ADCY3: variants seen among roughly 807,000 people sequenced by gnomAD.
The protein encoded by ADCY3 is adenylate cyclase type 3.
Under a neutral mutation model 119.4 loss-of-function variants are expected in ADCY3, and 70 were observed. The ratio of observed to expected loss-of-function variants is 0.59; its 90% CI spans 0.48 to 0.72. ADCY3 has a LOEUF of 0.72. Ranked by LOEUF, ADCY3 falls within the 30% of genes least tolerant of loss-of-function variation. ADCY3 has a pLI of 0.00. For missense variants in ADCY3, 1,238 were observed against 1,541.6 expected (o/e 0.80, Z 3.30); for synonymous variants, 672 against 621.4 (o/e 1.08, Z -1.21).
intron 2 of ADCY3, among the ~76,000 whole-genome samples, chr2:24,890,815 T>C (rs561441436): frequency 6.6e-6 from 1 of 152,296 alleles, no homozygotes; most frequent in East Asian, 1.9e-4. Flanking sequence ...CTAGTTTTTC[T>C]ACTTCAATCT....
chr2:24,885,136 TAAATTCC>T (rs1676884016), intron 2 of ADCY3, among the ~76,000 whole-genome samples: 2 of 152,200 alleles, frequency 1.3e-5, no homozygotes, highest in African/African-American at 4.8e-5. Context: ...TCACCTCTCC[TAAATTCC>T]AGTTCCTCAG....
chr2:24,879,931 G>A (rs1236263061), intron 2 of ADCY3, among the ~76,000 whole-genome samples: 1 of 152,252 alleles, frequency 6.6e-6, no homozygotes, highest in African/African-American at 2.4e-5. Context: ...TCTGCAGACA[G>A]TGAGTGACTC....
chr2:24,822,766 AC>A (rs1667971572), intron 18 of ADCY3, 136 bp from the exon 19 acceptor site: 1 of 1,200,348 alleles, frequency 8.3e-7, no homozygotes, highest in Non-Finnish European at 1.1e-6. Context: ...TACTTAGTCT[AC>A]CGCTTATCTG....
Position 24,917,322 on chromosome 2 carries a change from T to G in ADCY3, c.675+991A>C, listed in dbSNP as rs1401291895. Among the ~76,000 whole-genome samples, 4 of 152,172 alleles carry G rather than the reference T, an allele frequency of 2.6e-5. No individual in the cohort carries two copies. In the East Asian group the frequency reaches 7.7e-4, roughly 29 times the overall value. ...CCACAGAACAGAGCTGGCGTGGGAGTTAAGACATCTCTACCAGACAGAGCA... is the reference window on the plus strand; with the variant it reads ...CCACAGAACAGAGCTGGCGTGGGAGGTAAGACATCTCTACCAGACAGAGCA... On this transcript the variant is annotated intron_variant, in intron 2 of 21. Transcript: ENST00000679454.
chr2:24,903,207 C>CT (rs1679116446), intron 2 of ADCY3, among the ~76,000 whole-genome samples: 1 of 152,038 alleles, frequency 6.6e-6, no homozygotes, highest in Non-Finnish European at 1.5e-5. Flanking sequence ...GGCAGCACCC[C>CT]TAACGCCTGT....
chr2:24,820,521 C>T, intron 21 of ADCY3: 1 of 1,410,798 alleles, frequency 7.1e-7, no homozygotes, highest in African/African-American at 1.4e-5. Context: ...GAACTTCAGC[C>T]CAGATTTTGT....
At chr2:24,877,913 G>A (rs1287299729) in intron 2 of ADCY3, 2 of 471,170 alleles carry the variant, frequency 4.2e-6, no homozygotes, top group Admixed American at 2.3e-5. Context: ...GGGTCCTGGG[G>A]TGACTCACCA....
At position 24,839,965 on chromosome 2, in the gene ADCY3, C is replaced by T. The variant is rs761807866; in HGVS notation, c.1263G>A (p.Leu421=). ...MRVGVHTGTV[L]GGVLGQKRWQ... is the part of the protein sequence containing the mutation. The stretch of plus-strand genomic sequence containing the variant: ...AGCGCTTCTGGCCCAGGACGCCCCC[C>T]AGCACGGTGCCCGTGTGCACCCCCA... The change falls in exon 7 of 22, where the codon CTG becomes CTA. Residue 421 remains leucine (L), a synonymous_variant. Transcript: ENST00000679454. The T allele has an allele frequency of 5.6e-6, 9 of 1,613,776 alleles. No homozygotes were observed. Among genetic ancestry groups the T allele is most frequent in the African/African-American group, 1.3e-5 (1 of 74,952 alleles).
chr2:24,826,218 C>T (rs1277141791), intron 15 of ADCY3, 92 bp from the exon 16 acceptor site: 7 of 1,149,624 alleles, frequency 6.1e-6, no homozygotes, highest in Non-Finnish European at 8.9e-6. Flanking sequence ...TGCTTCCTGC[C>T]ACCCCAGCCC....
intron 2 of ADCY3, among the ~76,000 whole-genome samples, chr2:24,913,132 T>C (rs1664002072): frequency 6.6e-6 from 1 of 152,192 alleles, no homozygotes. Context: ...TGGCTTGAGT[T>C]TGCCTCCTCT....
chr2:24,904,879 G>A (rs377707395), intron 2 of ADCY3, among the ~76,000 whole-genome samples: 13 of 152,068 alleles, frequency 8.5e-5, no homozygotes, highest in African/African-American at 2.7e-4. Context: ...GACCTCAGGT[G>A]ATCTGCCTGC....
intron 3 of ADCY3, among the ~76,000 whole-genome samples, chr2:24,852,124 C>T (rs1195290002): frequency 1.3e-5 from 2 of 152,220 alleles, no homozygotes; most frequent in African/African-American, 4.8e-5. Context: ...CTCCCCAGGG[C>T]TCCATGCCAC....
In ADCY3 at chr2:24,918,744, C is replaced by T; in HGVS notation, c.244G>A (p.Val82Met). Residue 82 changes from valine (V) to methionine (M), a missense_variant, in exon 2 of 22, where the codon GTG becomes ATG. Around this residue, in one of 7 missense-constraint regions of ADCY3, gnomAD observed 227 missense variants for 249.3 expected, o/e 0.91. Coordinates refer to ENST00000679454, the MANE Select transcript of ADCY3 (RefSeq NM_004036.5). The surrounding 1 kb of genome is among the most constrained non-coding windows in gnomAD (Gnocchi z 5.4). ...RQRHETLLVL[V>M]VFAALFDCYV... Reference sequence around the variant, plus strand: ...CAGTCAAAGAGGGCTGCAAAGACCACCAGCACCAGCAGGGTCTCGTGGCGC... The same window carrying T: ...CAGTCAAAGAGGGCTGCAAAGACCATCAGCACCAGCAGGGTCTCGTGGCGC... 1 of 1,614,076 alleles carries T rather than the reference C, an allele frequency of 6.2e-7. No homozygotes were observed. The highest frequency in any genetic ancestry group is 8.5e-7 in the Non-Finnish European group (1 of 1,180,036).
At chr2:24,832,170 T>G in intron 11 of ADCY3, 1 of 213,890 alleles carries the variant, frequency 4.7e-6, no homozygotes, top group East Asian at 1.3e-4. Context: ...CTGCCTGCCG[T>G]GCAGAACAGG....
chr2:24,886,391 G>A (rs530365284), intron 2 of ADCY3, among the ~76,000 whole-genome samples: 11 of 152,032 alleles, frequency 7.2e-5, no homozygotes, highest in African/African-American at 2.7e-4. Context: ...GCTGAACCCC[G>A]CCTCCTCCAT....
In ADCY3 at chr2:24,834,672, T is replaced by A. The variant is rs1670050454; in HGVS notation, c.1806-26A>T. The A allele has an allele frequency of 1.2e-6, 2 of 1,608,742 alleles. No homozygotes were observed. Among genetic ancestry groups the A allele is most frequent in the Non-Finnish European group, 1.7e-6 (2 of 1,175,616 alleles). ...CTGCAGTGGGAACAAGCCCCATGAA[T>A]CCCAAATGCCACATCTGCCTTGGCC... On this transcript the variant is annotated intron_variant, in intron 10 of 21. Coordinates refer to ENST00000679454, the MANE Select transcript of ADCY3 (RefSeq NM_004036.5). The surrounding 1 kb of genome is among the most constrained non-coding windows in gnomAD (Gnocchi z 4.2).
Position 24,872,809 on chromosome 2 carries a change from G to A in ADCY3, c.676-90C>T. 2 of 1,485,220 alleles carry A rather than the reference G, an allele frequency of 1.3e-6. No homozygotes were observed. Among genetic ancestry groups the A allele is most frequent in the Non-Finnish European group, 1.8e-6 (2 of 1,090,674 alleles). The allele number at this position is 1,485,220 out of a possible 1,614,324, so 92.0% of individuals were successfully genotyped here. On this transcript the variant is annotated intron_variant, in intron 2 of 21. Transcript: ENST00000679454. This position sits in a 1 kb window ranked among gnomAD's most constrained non-coding sequence, Gnocchi z 4.4. ...GAGAAGGGGATGGAGGAGGTGGGGT[G>A]GGTGGTGACCAAAATCAAACCTCAA...
intron 17 of ADCY3, 120 bp from the exon 18 acceptor site, chr2:24,823,475 A>T: frequency 1.9e-6 from 2 of 1,046,890 alleles, no homozygotes; most frequent in Non-Finnish European, 2.7e-6. Flanking sequence ...CTCACACATC[A>T]GTCAGATTAT....
intron 3 of ADCY3, among the ~76,000 whole-genome samples, chr2:24,868,466 G>A (rs568075769): frequency 3.9e-5 from 6 of 152,104 alleles, no homozygotes; most frequent in South Asian, 4.2e-4. Context: ...CCTGACCAAC[G>A]TGGTGAAACC....
Sources: allele counts gnomAD v4.1 joint callset (sites outside exome capture counted in the v4.1 genomes callset), GRCh38; gene constraint gnomAD v4.1.1; regional missense constraint gnomAD v4.1.1; non-coding constraint Gnocchi (gnomAD v3.1); transcripts MANE v1.5; gene names NCBI Gene and HGNC (gene_info 2026-07-23, HGNC 2026-07-21).